The following USH2A variants were observed in gnomAD, a reference collection of about 807,000 sequenced individuals.
USH2A encodes the protein usherin.
Under a neutral mutation model 538.9 loss-of-function variants are expected in USH2A, and 443 were observed. That is an observed-to-expected ratio of 0.82 (90% CI 0.76 to 0.89). USH2A has a LOEUF of 0.89. Ranked by LOEUF, USH2A falls within the 40% of genes least tolerant of loss-of-function variation. The pLI is 0.00. For missense variants in USH2A, 6,633 were observed against 6,324.8 expected (o/e 1.05, Z -1.65); for synonymous variants, 2,413 against 2,273.5 (o/e 1.06, Z -1.75).
At chr1:216,414,481 CT>C (rs1273684347) in intron 3 of USH2A, among the ~76,000 whole-genome samples, 7 of 151,980 alleles carry the variant, frequency 4.6e-5, no homozygotes, top group African/African-American at 1.4e-4. Context: ...TTCCTGACAT[CT>C]TTTCCCCCAG....
chr1:216,299,250 G>T (rs1381942894), intron 9 of USH2A, among the ~76,000 whole-genome samples: 1 of 150,854 alleles, frequency 6.6e-6, no homozygotes, highest in African/African-American at 2.5e-5. Context: ...CAAGAGAGTG[G>T]TTTAAGATGT....
chr1:215,662,451 A>G (rs989831367), intron 64 of USH2A, among the ~76,000 whole-genome samples: 5 of 152,242 alleles, frequency 3.3e-5, no homozygotes, highest in African/African-American at 1.2e-4. Context: ...ATTGCCAACA[A>G]CAGAAGCTTC....
At chr1:216,003,273 C>G (rs147696726) in intron 32 of USH2A, among the ~76,000 whole-genome samples, 1 of 152,104 alleles carries the variant, frequency 6.6e-6, no homozygotes, top group Non-Finnish European at 1.5e-5. Flanking sequence ...TAGGGTTTGC[C>G]TCTAGATTAT....
chr1:216,154,033 A>T (rs2033891788), intron 21 of USH2A, among the ~76,000 whole-genome samples: 1 of 152,240 alleles, frequency 6.6e-6, no homozygotes, highest in African/African-American at 2.4e-5. Context: ...CGGATTATAT[A>T]AGCTATGAAA....
intron 47 of USH2A, among the ~76,000 whole-genome samples, chr1:215,837,662 G>T (rs1176936068): frequency 6.6e-6 from 1 of 152,058 alleles, no homozygotes; most frequent in African/African-American, 2.4e-5. Context: ...AAGTTAGAAG[G>T]TAGTCATTAC....
intron 3 of USH2A, among the ~76,000 whole-genome samples, chr1:216,413,633 T>A (rs1220261520): frequency 6.6e-6 from 1 of 152,050 alleles, no homozygotes; most frequent in Admixed American, 6.6e-5. Flanking sequence ...TACCCATGCA[T>A]TTTTTTCTTC....
At chr1:215,927,128 T>G (rs1462666423) in intron 38 of USH2A, among the ~76,000 whole-genome samples, 1 of 152,134 alleles carries the variant, frequency 6.6e-6, no homozygotes, top group East Asian at 1.9e-4. Context: ...ATGCTTAAAC[T>G]GATGAGCACT....
At chr1:216,173,039 C>T (rs1380752816) in intron 21 of USH2A, among the ~76,000 whole-genome samples, 5 of 151,842 alleles carry the variant, frequency 3.3e-5, no homozygotes, top group Non-Finnish European at 7.4e-5. Context: ...TCCTGTACTA[C>T]GAGGGTAAAA....
intron 32 of USH2A, among the ~76,000 whole-genome samples, chr1:216,043,864 G>A (rs891285574): frequency 6.6e-6 from 1 of 151,980 alleles, no homozygotes; most frequent in Non-Finnish European, 1.5e-5. Context: ...TCGTTTAGGC[G>A]CATGGAAGGG....
intron 21 of USH2A, among the ~76,000 whole-genome samples, chr1:216,127,786 G>A (rs550570252): frequency 3.9e-5 from 6 of 152,192 alleles, no homozygotes; most frequent in South Asian, 4.1e-4. Context: ...CAATTATCCC[G>A]CATTCTTTTA....
intron 21 of USH2A, among the ~76,000 whole-genome samples, chr1:216,112,764 G>A (rs1228143408): frequency 6.6e-6 from 1 of 151,818 alleles, no homozygotes; most frequent in Non-Finnish European, 1.5e-5. Flanking sequence ...CCAGCTCTAT[G>A]TTCCTGCAAA....
chr1:216,033,043 C>A (rs1669165820), intron 32 of USH2A, among the ~76,000 whole-genome samples: 1 of 152,146 alleles, frequency 6.6e-6, no homozygotes, highest in Non-Finnish European at 1.5e-5. Flanking sequence ...AGGCCTGGCC[C>A]ATAACAATCT....
intron 20 of USH2A, among the ~76,000 whole-genome samples, chr1:216,176,457 A>C (rs951426634): frequency 2.0e-5 from 3 of 152,092 alleles, no homozygotes; most frequent in Admixed American, 2.0e-4. Context: ...GAAGGTACAG[A>C]GTTCTACCAT....
chr1:216,294,713 C>T (rs1468332406), intron 9 of USH2A, among the ~76,000 whole-genome samples: 1 of 151,720 alleles, frequency 6.6e-6, no homozygotes, highest in East Asian at 1.9e-4. Context: ...CTGAGAATGT[C>T]CATTTTCTTG....
At chr1:216,412,989 A>G (rs2039514602) in intron 3 of USH2A, among the ~76,000 whole-genome samples, 1 of 152,128 alleles carries the variant, frequency 6.6e-6, no homozygotes. Context: ...TGTTTAATAT[A>G]GTGCACATAA....
At chr1:216,217,073 A>G (rs972454871) in intron 15 of USH2A, among the ~76,000 whole-genome samples, 6 of 152,072 alleles carry the variant, frequency 3.9e-5, no homozygotes, top group Non-Finnish European at 7.4e-5. Flanking sequence ...TGATTTTACC[A>G]TTAAAAGTCT....
At chr1:215,800,245 C>T (rs1173571152) in intron 49 of USH2A, among the ~76,000 whole-genome samples, 1 of 152,118 alleles carries the variant, frequency 6.6e-6, no homozygotes, top group African/African-American at 2.4e-5. Flanking sequence ...TGGTTGTCTT[C>T]CCTCGTGGCC....
intron 22 of USH2A, 45 bp from the exon 23 acceptor site, chr1:216,089,184 T>G (rs777080338): frequency 1.3e-6 from 2 of 1,584,848 alleles, no homozygotes; most frequent in Non-Finnish European, 1.7e-6. Context: ...CATGCATATC[T>G]ACAAATAAAC....
chr1:215,670,817 C>A (rs998804284), intron 64 of USH2A, among the ~76,000 whole-genome samples, 155 bp downstream of exon 64: 4 of 152,098 alleles, frequency 2.6e-5, no homozygotes, highest in Non-Finnish European at 5.9e-5. Flanking sequence ...ATGGTTTTTC[C>A]TCATTTACCA....
Sources: gnomAD v4.1 joint callset for allele counts (sites outside exome capture counted in the v4.1 genomes callset) on GRCh38, gnomAD v4.1.1 for gene constraint, MANE v1.5 for transcripts, NCBI Gene and HGNC (gene_info 2026-07-23, HGNC 2026-07-21) for gene names.